The following BATF variants were observed in gnomAD, a reference collection of about 807,000 sequenced individuals.
BATF encodes the protein basic leucine zipper transcriptional factor ATF-like.
In BATF, 5 loss-of-function variants were observed where a neutral mutation model predicts 13.7. The observed-to-expected ratio is 0.36, with a 90% CI of 0.19 to 0.77. The LOEUF (loss-of-function observed/expected upper bound fraction) is 0.77, where lower values mean the gene tolerates loss of function less well. Among genes scored for constraint, BATF ranks in the 30% least tolerant of loss-of-function variants. BATF has a pLI of 0.51. For missense variants in BATF, 124 were observed against 163.0 expected, an observed-to-expected ratio of 0.76 and a Z score of 1.30; for synonymous variants, 72 against 67.5, an observed-to-expected ratio of 1.07 and a Z score of -0.33.
chr14:75,544,562 CAAAAAA>C (rs67545560), intron 2 of BATF, among the ~76,000 whole-genome samples: 1 of 33,020 alleles, frequency 3.0e-5, no homozygotes, highest in Non-Finnish European at 6.1e-5. Flanking sequence ...GAGACTGTCT[CAAAAAA>C]AAAAAAAAAA....
At chr14:75,537,106 A>C (rs1887831358) in intron 2 of BATF, among the ~76,000 whole-genome samples, 1 of 152,182 alleles carries the variant, frequency 6.6e-6, no homozygotes, top group Non-Finnish European at 1.5e-5. Flanking sequence ...GGCCTTTCAC[A>C]ACTAGGCAAG....
At chr14:75,529,620 G>T (rs997180094) in intron 2 of BATF, among the ~76,000 whole-genome samples, 8 of 152,160 alleles carry the variant, frequency 5.3e-5, no homozygotes, top group Admixed American at 3.9e-4. Flanking sequence ...AAAAGTAAAA[G>T]TTTCTTTATA....
intron 2 of BATF, among the ~76,000 whole-genome samples, chr14:75,536,268 A>G (rs975629197): frequency 6.6e-6 from 1 of 152,206 alleles, no homozygotes; most frequent in Non-Finnish European, 1.5e-5. Context: ...ATTTGAGATC[A>G]AAGGTGAATC....
At chr14:75,526,327 A>G (rs1887654352) in intron 2 of BATF, among the ~76,000 whole-genome samples, 1 of 152,058 alleles carries the variant, frequency 6.6e-6, no homozygotes, top group African/African-American at 2.4e-5. Context: ...TAGCAACTCT[A>G]CCTTCCTGCC....
intron 2 of BATF, among the ~76,000 whole-genome samples, chr14:75,532,695 TATG>T (rs1466488389): frequency 2.6e-5 from 4 of 152,266 alleles, no homozygotes; most frequent in African/African-American, 9.6e-5. Flanking sequence ...TGAAGCATAT[TATG>T]ATACATTCAT....
intron 1 of BATF, 69 bp downstream of exon 1, chr14:75,522,814 C>T: frequency 6.3e-7 from 1 of 1,590,722 alleles, no homozygotes; most frequent in Non-Finnish European, 8.6e-7. Context: ...GCCAGGCTTC[C>T]TTGTCCTGCC....
At chr14:75,542,069 C>G (rs1887904087) in intron 2 of BATF, among the ~76,000 whole-genome samples, 1 of 152,240 alleles carries the variant, frequency 6.6e-6, no homozygotes, top group South Asian at 2.1e-4. Flanking sequence ...CCAAGCCCTG[C>G]TCTGCGCCTC....
At chr14:75,539,757 T>C (rs760915180) in intron 2 of BATF, among the ~76,000 whole-genome samples, 8 of 152,224 alleles carry the variant, frequency 5.3e-5, no homozygotes, top group Non-Finnish European at 8.8e-5. Context: ...GATCTGTGGT[T>C]TGGTGATTCT....
At position 75,533,696 on chromosome 14, in the gene BATF, G is replaced by A. The variant is rs115789581; in HGVS notation, c.168+8508G>A. On this transcript the variant is annotated intron_variant, in intron 2 of 2. Coordinates refer to ENST00000286639, the MANE Select transcript of BATF (RefSeq NM_006399.5). The stretch of plus-strand genomic sequence containing the variant: ...GGTCCACAGTATAAAGGCCCCTTCA[G>A]ATTGTGGGATATCTGTAGAGGGTTC... Among the ~76,000 whole-genome samples, 414 of 152,262 alleles carry A rather than the reference G, an allele frequency of 2.7e-3. 3 individuals are homozygous for A. The highest frequency in any genetic ancestry group is 9.4e-3 in the African/African-American group (390 of 41,540).
chr14:75,546,989 G>A lies in BATF; in HGVS notation c.*318G>A, dbSNP rs1888000140. 3 of 702,458 alleles carry A rather than the reference G, an allele frequency of 4.3e-6. No homozygotes were observed. The East Asian group carries it at 8.0e-5, about 19-fold the overall frequency. 43.5% of individuals were successfully genotyped at this position (702,458 alleles called of 1,614,324 possible). The stretch of plus-strand genomic sequence containing the variant: ...ATTTTTCTAAATAAATGCTTTAAAA[G>A]AAACCAGTCTGACAAGGCAGTTTCT... On this transcript the variant is annotated 3_prime_UTR_variant, in exon 3 of 3. Transcript: ENST00000286639.
chr14:75,530,354 C>T (rs929074448), intron 2 of BATF, among the ~76,000 whole-genome samples: 1 of 152,132 alleles, frequency 6.6e-6, no homozygotes, highest in East Asian at 1.9e-4. Context: ...GGTGCACATA[C>T]CCTGCGACTC....
At chr14:75,527,436 C>A (rs1887670063) in intron 2 of BATF, among the ~76,000 whole-genome samples, 1 of 152,144 alleles carries the variant, frequency 6.6e-6, no homozygotes, top group East Asian at 1.9e-4. Context: ...GGCTGGAGAT[C>A]TTCCTCTCTC....
rs575163464 is a variant in BATF, at chr14:75,542,252, GATA to G, written c.169-4205_169-4203del. On this transcript the variant is annotated intron_variant, in intron 2 of 2. Transcript: ENST00000286639. ...CAGTTGTCCTCATCTGTAGAGTGGGGATAATAACAGCTGACCTTCCCTATCCCA... is the reference window on the plus strand; with the variant it reads ...CAGTTGTCCTCATCTGTAGAGTGGGGATAACAGCTGACCTTCCCTATCCCA... Among the ~76,000 whole-genome samples, 6 of 152,322 alleles carry G rather than the reference GATA, an allele frequency of 3.9e-5. No homozygotes were observed. In the South Asian group the frequency reaches 1.2e-3, roughly 32 times the overall value.
intron 2 of BATF, among the ~76,000 whole-genome samples, chr14:75,527,540 A>G (rs1887671604): frequency 6.6e-6 from 1 of 152,198 alleles, no homozygotes; most frequent in Non-Finnish European, 1.5e-5. Context: ...ACCCTTGGGG[A>G]ACGTATTAAT....
At chr14:75,524,183 C>G (rs1186744853) in intron 1 of BATF, among the ~76,000 whole-genome samples, 1 of 152,208 alleles carries the variant, frequency 6.6e-6, no homozygotes, top group Non-Finnish European at 1.5e-5. Context: ...AGAACTGGAG[C>G]TAACCTCTCT....
chr14:75,544,914 G>A (rs914048048), intron 2 of BATF, among the ~76,000 whole-genome samples: 5 of 150,566 alleles, frequency 3.3e-5, no homozygotes, highest in Non-Finnish European at 4.4e-5. Flanking sequence ...AAATTATACC[G>A]GAATTGCGAT....
chr14:75,546,564 C>A lies in BATF; in HGVS notation c.271C>A (p.Pro91Thr), dbSNP rs1379797865. The change falls in exon 3 of 3, where the codon CCC becomes ACC. Residue 91 changes from proline (P) to threonine (T), a missense_variant. Coordinates refer to ENST00000286639, the MANE Select transcript of BATF (RefSeq NM_006399.5). ...CACGTCGGTGCTGAACAGCCACGAG[C>A]CCCTGTGCTCGGTGCTGGCCGCCAG... ...YFTSVLNSHE[P>T]LCSVLAASTP... 6.2e-7 allele frequency: 1 copy of A among 1,614,144 alleles called. No homozygotes were observed. Among genetic ancestry groups the A allele is most frequent in the Non-Finnish European group, 8.5e-7 (1 of 1,179,998 alleles).
chr14:75,545,388 ATTTTTTTT>A (rs35791450), intron 2 of BATF, among the ~76,000 whole-genome samples: 2 of 105,216 alleles, frequency 1.9e-5, no homozygotes, highest in African/African-American at 3.9e-5. Context: ...CGCCTGGTTA[ATTTTTTTT>A]TTTTTTTTTT....
Position 75,522,697 on chromosome 14 carries a change from C to A in BATF, c.15C>A (p.Ser5=), listed in dbSNP as rs140734204. MPHS[S]DSSDSSFSRS... ...AGATTTCAGCCATGCCTCACAGCTCCGACAGCAGTGACTCCAGCTTCAGCC... is the reference window on the plus strand; with the variant it reads ...AGATTTCAGCCATGCCTCACAGCTCAGACAGCAGTGACTCCAGCTTCAGCC... Residue 5 remains serine, a synonymous_variant, in exon 1 of 3, where the codon TCC becomes TCA. Coordinates refer to ENST00000286639, the MANE Select transcript of BATF (RefSeq NM_006399.5). The A allele has an allele frequency of 6.2e-7, 1 of 1,614,112 alleles. No individual in the cohort carries two copies. The highest frequency in any genetic ancestry group is 1.3e-5 in the African/African-American group (1 of 75,018).
Sources: allele counts gnomAD v4.1 joint callset (sites outside exome capture counted in the v4.1 genomes callset), GRCh38; gene constraint gnomAD v4.1.1; transcripts MANE v1.5; gene names NCBI Gene and HGNC (gene_info 2026-07-23, HGNC 2026-07-21).